The following CEP128 variants were observed in gnomAD, a reference collection of about 807,000 sequenced individuals.
CEP128 encodes centrosomal protein 128.
CEP128 carries 132 observed loss-of-function variants against 156.7 expected under a neutral mutation model. That is an observed-to-expected ratio of 0.84 (90% CI 0.73 to 0.97). CEP128 has a LOEUF of 0.97. CEP128 is among the 50% of genes least tolerant of loss of function. The pLI, the probability that CEP128 is intolerant of heterozygous loss-of-function variation, is 0.00. For synonymous variants in CEP128, 469 were observed against 448.9 expected, an observed-to-expected ratio of 1.04 and a Z score of -0.57; for missense variants, 1,252 against 1,281.9, an observed-to-expected ratio of 0.98 and a Z score of 0.36.
chr14:80,619,081 T>C (rs1173239265), intron 19 of CEP128, among the ~76,000 whole-genome samples: 1 of 152,046 alleles, frequency 6.6e-6, no homozygotes, highest in African/African-American at 2.4e-5. Context: ...AGCATATGAG[T>C]GGTAGCCTAA....
intron 9 of CEP128, 129 bp from the exon 10 acceptor site, chr14:80,840,897 G>C (rs1886321173): frequency 3.2e-6 from 2 of 632,310 alleles, no homozygotes; most frequent in South Asian, 3.9e-5. Flanking sequence ...ATAAATTACA[G>C]TCTGCTCATA....
chr14:80,517,119 G>A (rs1490097500), intron 23 of CEP128, among the ~76,000 whole-genome samples: 2 of 151,100 alleles, frequency 1.3e-5, no homozygotes, highest in African/African-American at 4.9e-5. Context: ...TTGGCCATTT[G>A]TATCTTCTCT....
intron 13 of CEP128, among the ~76,000 whole-genome samples, chr14:80,810,286 G>A (rs1282414789): frequency 8.4e-6 from 1 of 119,210 alleles, no homozygotes; most frequent in African/African-American, 3.3e-5. Flanking sequence ...TCGCGCCATT[G>A]CACTCCAGCC....
chr14:80,610,501 T>G (rs1454492928), intron 19 of CEP128, among the ~76,000 whole-genome samples: 1 of 152,148 alleles, frequency 6.6e-6, no homozygotes, highest in African/African-American at 2.4e-5. Flanking sequence ...ACACATAATA[T>G]GAGGATCAAA....
intron 19 of CEP128, among the ~76,000 whole-genome samples, chr14:80,653,781 T>G (rs1566836067): frequency 1.3e-5 from 2 of 151,896 alleles, no homozygotes; most frequent in East Asian, 3.9e-4. Context: ...ATCTAAAGAG[T>G]GTTTCAAATT....
intron 21 of CEP128, among the ~76,000 whole-genome samples, chr14:80,536,567 A>G (rs888189641): frequency 6.6e-6 from 1 of 152,174 alleles, no homozygotes; most frequent in Non-Finnish European, 1.5e-5. Context: ...AAGGTGGTAA[A>G]AGGACCTGAG....
At chr14:80,644,506 A>C (rs935188852) in intron 19 of CEP128, among the ~76,000 whole-genome samples, 1 of 152,152 alleles carries the variant, frequency 6.6e-6, no homozygotes, top group Non-Finnish European at 1.5e-5. Flanking sequence ...TTTTCTTCTA[A>C]TACTTGTTTC....
intron 16 of CEP128, among the ~76,000 whole-genome samples, chr14:80,765,191 T>C (rs555093256): frequency 6.6e-6 from 1 of 152,326 alleles, no homozygotes; most frequent in South Asian, 2.1e-4. Context: ...TTGCATGAAA[T>C]GTCATTACTT....
intron 19 of CEP128, among the ~76,000 whole-genome samples, chr14:80,719,923 C>A (rs2139454672): frequency 6.6e-6 from 1 of 152,184 alleles, no homozygotes; most frequent in East Asian, 1.9e-4. Flanking sequence ...ATAAATAAAT[C>A]CATGAGCATA....
In CEP128 at chr14:80,612,198, GT is replaced by G. The variant is rs370102165; in HGVS notation, c.2807-31776del. Among the ~76,000 whole-genome samples, 5 of 152,078 alleles carry G rather than the reference GT, an allele frequency of 3.3e-5. No homozygotes were observed. The South Asian group carries it at 6.2e-4, about 19-fold the overall frequency. ...CCTTTTAATTATTCTGAAACATGGTGTTTTTTTGTCAAATATTCTTGATAGA... is the reference window on the plus strand; with the variant it reads ...CCTTTTAATTATTCTGAAACATGGTGTTTTTTGTCAAATATTCTTGATAGA... On this transcript the variant is annotated intron_variant, in intron 19 of 24. Coordinates refer to ENST00000555265, the MANE Select transcript of CEP128 (RefSeq NM_152446.5).
chr14:80,574,584 G>A (rs899779482), intron 20 of CEP128, among the ~76,000 whole-genome samples: 11 of 152,008 alleles, frequency 7.2e-5, no homozygotes, highest in Admixed American at 2.0e-4. Flanking sequence ...TTTCCTGCCC[G>A]GTTTATCTCC....
chr14:80,765,346 G>A (rs1900188042), intron 16 of CEP128, among the ~76,000 whole-genome samples: 1 of 152,152 alleles, frequency 6.6e-6, no homozygotes, highest in Non-Finnish European at 1.5e-5. Context: ...GGTTGGGGCT[G>A]GAAATTGGCT....
At chr14:80,697,880 T>C (rs1045359477) in intron 19 of CEP128, among the ~76,000 whole-genome samples, 1 of 151,972 alleles carries the variant, frequency 6.6e-6, no homozygotes, top group East Asian at 1.9e-4. Context: ...AGCATAAATA[T>C]ATATATGTGT....
At chr14:80,640,657 T>G (rs1894368816) in intron 19 of CEP128, among the ~76,000 whole-genome samples, 1 of 151,814 alleles carries the variant, frequency 6.6e-6, no homozygotes, top group African/African-American at 2.4e-5. Context: ...GGGTTCTATC[T>G]AAAACTCTCT....
At chr14:80,508,151 G>C (rs1294024779) in intron 23 of CEP128, among the ~76,000 whole-genome samples, 1 of 152,094 alleles carries the variant, frequency 6.6e-6, no homozygotes, top group Non-Finnish European at 1.5e-5. Context: ...CCTGACCTCA[G>C]GTGATCCACC....
chr14:80,755,535 G>A (rs886121048), intron 18 of CEP128, among the ~76,000 whole-genome samples: 11 of 152,214 alleles, frequency 7.2e-5, no homozygotes, highest in African/African-American at 2.4e-4. Context: ...CCCAATCCTT[G>A]TTTTCTAGAA....
intron 14 of CEP128, among the ~76,000 whole-genome samples, chr14:80,790,086 C>T (rs150963853): frequency 6.6e-6 from 1 of 151,938 alleles, no homozygotes. Flanking sequence ...ACATATAACT[C>T]TTTTTTTCTG....
At chr14:80,919,018 A>G (rs1306466238) in intron 2 of CEP128, among the ~76,000 whole-genome samples, 1 of 152,190 alleles carries the variant, frequency 6.6e-6, no homozygotes, top group Non-Finnish European at 1.5e-5. Flanking sequence ...TTTCATTTTA[A>G]CAAGTCATAA....
At chr14:80,862,700 G>T in intron 9 of CEP128, 57 bp downstream of exon 9, 1 of 1,148,464 alleles carries the variant, frequency 8.7e-7, no homozygotes, top group Non-Finnish European at 1.3e-6. Flanking sequence ...ATTTTAACAT[G>T]GCTAAATAAA....
Sources: allele counts gnomAD v4.1 joint callset (sites outside exome capture counted in the v4.1 genomes callset), GRCh38; gene constraint gnomAD v4.1.1; transcripts MANE v1.5; gene names NCBI Gene and HGNC (gene_info 2026-07-23, HGNC 2026-07-21).